TNKS: variants seen among roughly 807,000 people sequenced by gnomAD.
TNKS encodes the protein tankyrase, also known as poly [ADP-ribose] polymerase tankyrase-1.
In TNKS, 72 loss-of-function variants were observed where a neutral mutation model predicts 135.8. The observed-to-expected ratio is 0.53, with a 90% CI of 0.44 to 0.64. TNKS has a LOEUF of 0.64. Among genes scored for constraint, TNKS ranks in the 30% least tolerant of loss-of-function variants. TNKS has a pLI of 0.00. For missense variants in TNKS, 1,769 were observed against 1,674.0 expected (o/e 1.06, Z -0.99); for synonymous variants, 849 against 649.3 (o/e 1.31, Z -4.68).
At chr8:9,567,282 A>G (rs1797579119) in intron 1 of TNKS, among the ~76,000 whole-genome samples, 1 of 152,236 alleles carries the variant, frequency 6.6e-6, no homozygotes, top group African/African-American at 2.4e-5. Flanking sequence ...TGCAGTTACT[A>G]GAATGTTGGG....
At chr8:9,681,502 A>G (rs1211177464) in intron 5 of TNKS, among the ~76,000 whole-genome samples, 3 of 152,108 alleles carry the variant, frequency 2.0e-5, no homozygotes, top group African/African-American at 7.2e-5. Flanking sequence ...GATTTACGTA[A>G]TAGACATTGA....
At chr8:9,596,423 T>C (rs1297682145) in intron 2 of TNKS, among the ~76,000 whole-genome samples, 2 of 152,232 alleles carry the variant, frequency 1.3e-5, no homozygotes, top group Non-Finnish European at 2.9e-5. Flanking sequence ...AGTATAATAA[T>C]TGTATTTATA....
At chr8:9,563,572 C>T (rs1232220406) in intron 1 of TNKS, among the ~76,000 whole-genome samples, 1 of 152,096 alleles carries the variant, frequency 6.6e-6, no homozygotes, top group Non-Finnish European at 1.5e-5. Context: ...TGTTATAAGG[C>T]ATTATATGTG....
In TNKS at chr8:9,750,844, G is replaced by C. The variant is rs1015291223; in HGVS notation, c.2833-765G>C. On this transcript the variant is annotated intron_variant, in intron 18 of 26. Transcript: ENST00000310430. ...GCACCTGGGAACTCAGCAGAGGCTG[G>C]AGCTTCCAAGATGGCCTTTCATCCC... Among the ~76,000 whole-genome samples, 12 of 152,250 alleles carry C rather than the reference G, an allele frequency of 7.9e-5. No homozygotes were observed. In the South Asian group the frequency reaches 1.7e-3, roughly 21 times the overall value.
chr8:9,631,945 G>C (rs1400946038), intron 3 of TNKS, among the ~76,000 whole-genome samples: 2 of 152,092 alleles, frequency 1.3e-5, no homozygotes, highest in African/African-American at 4.8e-5. Flanking sequence ...ATCTTCAAAA[G>C]TAATCAGATT....
At chr8:9,688,423 CAATT>C (rs1469565423) in intron 5 of TNKS, among the ~76,000 whole-genome samples, 1 of 152,192 alleles carries the variant, frequency 6.6e-6, no homozygotes, top group African/African-American at 2.4e-5. Flanking sequence ...ATTATTAAAA[CAATT>C]GTTTGGCCAC....
In TNKS at chr8:9,672,711, CA is replaced by C. The variant is rs6150458; in HGVS notation, c.995-7227del. 1.9e-3 allele frequency among the ~76,000 whole-genome samples: 158 copies of C among 85,220 alleles called. 3 individuals carry two copies. The highest frequency in any genetic ancestry group is 5.1e-3 in the African/African-American group (107 of 20,928). The allele number at this position is 85,220 out of a possible 152,430, so 55.9% of individuals were successfully genotyped here. On this transcript the variant is annotated intron_variant, in intron 3 of 26. Coordinates refer to ENST00000310430, the MANE Select transcript of TNKS (RefSeq NM_003747.3). Reference sequence around the variant, plus strand: ...ACACACACACACACACACACACACACAAAAAAAAAAAAACAAACTAATATCC... The same window carrying C: ...ACACACACACACACACACACACACACAAAAAAAAAAAACAAACTAATATCC...
chr8:9,593,431 A>C (rs143288941), intron 2 of TNKS, among the ~76,000 whole-genome samples: 1,652 of 152,356 alleles, frequency 0.011, 12 homozygotes, highest in African/African-American at 0.022. Context: ...AATACATCAT[A>C]CATATAAAAG....
chr8:9,726,855 T>C, intron 13 of TNKS, 135 bp downstream of exon 13: 1 of 698,260 alleles, frequency 1.4e-6, no homozygotes, highest in Non-Finnish European at 2.4e-6. Flanking sequence ...GAAAAATCTG[T>C]ACTACTATTA....
At chr8:9,709,872 T>C (rs1172258015) in intron 9 of TNKS, 83 bp from the exon 10 acceptor site, 8 of 973,454 alleles carry the variant, frequency 8.2e-6, no homozygotes, top group Non-Finnish European at 1.1e-5. Flanking sequence ...ATGTTTTAAA[T>C]GGTCAGCAGA....
intron 6 of TNKS, 25 bp downstream of exon 6, chr8:9,704,782 T>C: frequency 6.3e-7 from 1 of 1,586,676 alleles, no homozygotes; most frequent in South Asian, 1.1e-5. Flanking sequence ...TTACTTCCTG[T>C]CAGTGCTTTG....
rs10086860 is a variant in TNKS, at chr8:9,592,846, A to G, written c.898+12463A>G. Among the ~76,000 whole-genome samples the G allele has an allele frequency of 9.3e-3, 1,414 of 152,312 alleles. 16 individuals carry two copies. The highest frequency in any genetic ancestry group is 0.033 in the African/African-American group (1,367 of 41,566). On this transcript the variant is annotated intron_variant, in intron 2 of 26. Transcript: ENST00000310430. ...CTTGAGATTCCTTTATTTTAAAGCAATGTGAACTTGCAGTATGTCAGACAC... is the reference window on the plus strand; with the variant it reads ...CTTGAGATTCCTTTATTTTAAAGCAGTGTGAACTTGCAGTATGTCAGACAC...
chr8:9,577,525 A>G (rs7013520), intron 1 of TNKS, among the ~76,000 whole-genome samples: 2,584 of 152,240 alleles, frequency 0.017, 81 homozygotes, highest in African/African-American at 0.058. Flanking sequence ...CATGTCTTAT[A>G]TGGTCAGGGA....
chr8:9,579,675 G>T, intron 1 of TNKS, among the ~76,000 whole-genome samples: 1 of 152,054 alleles, frequency 6.6e-6, no homozygotes, highest in Non-Finnish European at 1.5e-5. Context: ...CACCATGTTG[G>T]CCAGGCTGGT....
intron 2 of TNKS, among the ~76,000 whole-genome samples, chr8:9,586,188 A>C (rs1348608748): frequency 6.6e-6 from 1 of 152,182 alleles, no homozygotes; most frequent in Non-Finnish European, 1.5e-5. Flanking sequence ...TTTTATATTT[A>C]CTGAAAATGC....
intron 11 of TNKS, among the ~76,000 whole-genome samples, chr8:9,719,507 T>G (rs924525902): frequency 3.9e-5 from 6 of 152,226 alleles, no homozygotes; most frequent in Admixed American, 3.9e-4. Flanking sequence ...AAGTGCTAAA[T>G]TGACATAGAT....
chr8:9,679,505 C>T (rs1433191115), intron 3 of TNKS, among the ~76,000 whole-genome samples: 2 of 151,954 alleles, frequency 1.3e-5, no homozygotes, highest in African/African-American at 2.4e-5. Context: ...ATGTCATTAC[C>T]AATAAAACTT....
chr8:9,743,882 G>A (rs185640992), intron 17 of TNKS, among the ~76,000 whole-genome samples: 243 of 152,314 alleles, frequency 1.6e-3, no homozygotes, highest in Non-Finnish European at 2.7e-3. Flanking sequence ...GACTGGCTCA[G>A]TGCTGTGTTA....
chr8:9,735,110 C>G, intron 16 of TNKS, 26 bp downstream of exon 16: 2 of 1,599,106 alleles, frequency 1.3e-6, no homozygotes, highest in Non-Finnish European at 1.7e-6. Context: ...GCCTCCAAGC[C>G]TCCTTTTCCT....
Sources: allele counts gnomAD v4.1 joint callset (sites outside exome capture counted in the v4.1 genomes callset), GRCh38; gene constraint gnomAD v4.1.1; transcripts MANE v1.5; gene names NCBI Gene and HGNC (gene_info 2026-07-23, HGNC 2026-07-21).